The following PCDHGB1 variants were observed in gnomAD, a reference collection of about 807,000 sequenced individuals.
The protein encoded by PCDHGB1 is protocadherin gamma subfamily B, 1, also known as protocadherin gamma-B1.
A neutral mutation model predicts 56.6 loss-of-function variants in PCDHGB1; 34 were observed. That is an observed-to-expected ratio of 0.60 (90% CI 0.46 to 0.80). The LOEUF (loss-of-function observed/expected upper bound fraction) is 0.80. Ranked by LOEUF, PCDHGB1 falls within the 30% of genes least tolerant of loss-of-function variation. PCDHGB1 has a pLI of 0.00. For missense variants in PCDHGB1, 1,278 were observed against 1,204.6 expected (o/e 1.06, Z -0.90); for synonymous variants, 561 against 505.9 (o/e 1.11, Z -1.46).
chr5:141,439,790 C>G (rs2098131627), intron 1 of PCDHGB1: 2 of 152,248 alleles, frequency 1.3e-5, no homozygotes, highest in Non-Finnish European at 2.9e-5. Flanking sequence ...TTCTATAATC[C>G]AAGAAGAGTT....
chr5:141,351,870 C>A lies in PCDHGB1; in HGVS notation c.1610C>A (p.Ala537Glu), dbSNP rs545715349. ...TLQARDQGSP[A>E]LSANVSLRVL... ...CAGGCCAGGGACCAGGGCTCCCCCG[C>A]GCTCAGCGCCAACGTGAGCCTGCGC... is the stretch of plus-strand genomic sequence containing the variant. Residue 537 changes from alanine to glutamate, a missense_variant, in exon 1 of 4, where the codon GCG (alanine) becomes GAG (glutamate). Coordinates refer to ENST00000523390, the MANE Select transcript of PCDHGB1 (RefSeq NM_018922.3). The A allele has an allele frequency of 3.4e-5, 55 of 1,613,282 alleles. No individual in the cohort carries two copies. The East Asian group carries it at 1.1e-3, about 33-fold the overall frequency.
intron 1 of PCDHGB1, among the ~76,000 whole-genome samples, chr5:141,444,933 G>A (rs1004890599): frequency 3.3e-5 from 5 of 152,152 alleles, no homozygotes; most frequent in African/African-American, 1.2e-4. Context: ...AAAGAGGGAA[G>A]GAGGGAGGAG....
chr5:141,503,401 C>A (rs987421198), intron 2 of PCDHGB1, among the ~76,000 whole-genome samples: 15 of 151,848 alleles, frequency 9.9e-5, no homozygotes, highest in Non-Finnish European at 1.9e-4. Context: ...TCGAAACCAA[C>A]CTGGCCAATA....
intron 1 of PCDHGB1, among the ~76,000 whole-genome samples, chr5:141,481,743 G>C (rs1257734207): frequency 1.3e-5 from 2 of 152,096 alleles, no homozygotes; most frequent in Non-Finnish European, 2.9e-5. Context: ...CACGAGGTCA[G>C]GAGTCCAAGA....
Position 141,490,693 on chromosome 5 carries a change from G to C in PCDHGB1, c.2410-4114G>C. 2 of 1,614,170 alleles carry C rather than the reference G, an allele frequency of 1.2e-6. No homozygotes were observed. Among genetic ancestry groups the C allele is most frequent in the Non-Finnish European group, 1.7e-6 (2 of 1,180,018 alleles). ...GGCTGCCTCAGATCCAGACACTGGG[G>C]ATAATGCCCGCCTCACCTACTCCAT... is the stretch of plus-strand genomic sequence containing the variant. On this transcript the variant is annotated intron_variant, in intron 1 of 3. Coordinates refer to ENST00000523390, the MANE Select transcript of PCDHGB1 (RefSeq NM_018922.3). This position sits in a 1 kb window ranked among gnomAD's most constrained non-coding sequence, Gnocchi z 5.4.
rs754364956 is a variant in PCDHGB1 at position 141,350,441 on chromosome 5, A to G, written c.181A>G (p.Thr61Ala). The G allele has an allele frequency of 1.9e-6, 3 of 1,610,584 alleles. No individual in the cohort carries two copies. The highest frequency in any genetic ancestry group is 2.5e-6 in the Non-Finnish European group (3 of 1,177,092). ...DLGLSVRELP[T>A]RKLRVSAEDY... ...GGGGCTCAGTGTCCGGGAGTTGCCA[A>G]CTCGAAAACTGCGGGTTAGTGCAGA... The change falls in exon 1 of 4, where the codon ACT (threonine) becomes GCT (alanine). Residue 61 changes from threonine (T) to alanine (A), a missense_variant. Coordinates refer to ENST00000523390, the MANE Select transcript of PCDHGB1 (RefSeq NM_018922.3).
intron 1 of PCDHGB1, chr5:141,382,957 C>T (rs1350220102): frequency 6.2e-7 from 1 of 1,606,282 alleles, no homozygotes; most frequent in Non-Finnish European, 8.5e-7. Flanking sequence ...CTCCATCCTC[C>T]TGGGGACCCC....
intron 1 of PCDHGB1, among the ~76,000 whole-genome samples, chr5:141,469,172 A>C (rs1310781965): frequency 6.6e-6 from 1 of 152,050 alleles, no homozygotes; most frequent in Admixed American, 6.6e-5. Context: ...GCTACTTGGG[A>C]GGCTGAGGCA....
chr5:141,398,374 G>C (rs769693333), intron 1 of PCDHGB1: 3 of 1,438,680 alleles, frequency 2.1e-6, no homozygotes, highest in African/African-American at 1.4e-5. Flanking sequence ...AGAGAGCGGG[G>C]AGTTGCTTGT....
Position 141,491,954 on chromosome 5 carries a change from C to A in PCDHGB1, c.2410-2853C>A. ...TGGGACCGACCCCCACCCCTACACT[C>A]AAAAAAGGCCGGGGCCTCCTTCGAG... On this transcript the variant is annotated intron_variant, in intron 1 of 3. Transcript: ENST00000523390. This position sits in a 1 kb window ranked among gnomAD's most constrained non-coding sequence, Gnocchi z 6.9. The A allele has an allele frequency of 9.7e-7, 1 of 1,032,914 alleles. No individual in the cohort carries two copies. Among genetic ancestry groups the A allele is most frequent in the Non-Finnish European group, 1.3e-6 (1 of 747,256 alleles). The allele number at this position is 1,032,914 out of a possible 1,614,324, so 64.0% of individuals were successfully genotyped here.
chr5:141,511,048 C>G lies in PCDHGB1; in HGVS notation c.2659C>G (p.Arg887Gly). The G allele has an allele frequency of 6.2e-7, 1 of 1,614,224 alleles. No homozygotes were observed. Among genetic ancestry groups the G allele is most frequent in the Non-Finnish European group, 8.5e-7 (1 of 1,180,028 alleles). ...QFTLQHVPDYRQNVYIPGSNA... is the reference protein window; with the variant it reads ...QFTLQHVPDYGQNVYIPGSNA... ...CACCCTGCAGCACGTGCCCGACTAC[C>G]GCCAGAATGTCTACATCCCAGGCAG... Residue 887 changes from arginine (R) to glycine (G), a missense_variant, in exon 4 of 4, where the codon CGC becomes GGC. Arg to Gly is a moderately radical substitution (Grantham distance 125, BLOSUM62 -2). Transcript: ENST00000523390.
rs768635851 is a variant in PCDHGB1 at position 141,489,334 on chromosome 5, C to G, written c.2410-5473C>G. 2 of 1,606,614 alleles carry G rather than the reference C, an allele frequency of 1.2e-6. No individual in the cohort carries two copies. Among genetic ancestry groups the G allele is most frequent in the Non-Finnish European group, 1.7e-6 (2 of 1,175,584 alleles). On this transcript the variant is annotated intron_variant, in intron 1 of 3. Coordinates refer to ENST00000523390, the MANE Select transcript of PCDHGB1 (RefSeq NM_018922.3). The surrounding 1 kb of genome is among the most constrained non-coding windows in gnomAD (Gnocchi z 4.5). Reference sequence around the variant, plus strand: ...CTGGGGCTGGGTGTCTGGGCAGCTTCGTTACTCAGTGGTGGAGGAGTCTGA... The same window carrying G: ...CTGGGGCTGGGTGTCTGGGCAGCTTGGTTACTCAGTGGTGGAGGAGTCTGA...
intron 1 of PCDHGB1, chr5:141,388,500 A>T: frequency 6.2e-7 from 1 of 1,613,860 alleles, no homozygotes; most frequent in Non-Finnish European, 8.5e-7. Flanking sequence ...AGAAAAGCAG[A>T]AATCCTACCA....
chr5:141,418,666 G>C, intron 1 of PCDHGB1: 1 of 1,614,038 alleles, frequency 6.2e-7, no homozygotes, highest in Non-Finnish European at 8.5e-7. Context: ...CCACTGACCA[G>C]GACGAGGGCA....
intron 1 of PCDHGB1, chr5:141,418,622 G>A: frequency 2.5e-6 from 4 of 1,614,026 alleles, no homozygotes; most frequent in Non-Finnish European, 3.4e-6. Context: ...TCGGGAAGAC[G>A]TGCCTCCAGG....
intron 1 of PCDHGB1, among the ~76,000 whole-genome samples, chr5:141,469,490 G>A (rs1346871954): frequency 3.3e-5 from 5 of 152,146 alleles, no homozygotes; most frequent in East Asian, 3.9e-4. Context: ...CAGGAGAATC[G>A]CTTGAACCCG....
intron 1 of PCDHGB1, chr5:141,376,510 G>A: frequency 6.2e-7 from 1 of 1,614,028 alleles, no homozygotes; most frequent in Non-Finnish European, 8.5e-7. Flanking sequence ...AACTTCAGGT[G>A]AGTTTCTTTC....
intron 1 of PCDHGB1, chr5:141,400,717 G>A: frequency 1.5e-6 from 1 of 672,320 alleles, no homozygotes; most frequent in Non-Finnish European, 2.5e-6. Context: ...TAGCCTTATA[G>A]ATTTACAAAG....
At chr5:141,367,387 A>C (rs1765092239) in intron 1 of PCDHGB1, 1 of 152,180 alleles carries the variant, frequency 6.6e-6, no homozygotes, top group African/African-American at 2.4e-5. Flanking sequence ...AATACAAAAA[A>C]TTAGCCGGGC....
Sources: gnomAD v4.1 joint callset for allele counts (sites outside exome capture counted in the v4.1 genomes callset) on GRCh38, gnomAD v4.1.1 for gene constraint, Gnocchi (gnomAD v3.1) non-coding constraint, MANE v1.5 for transcripts, NCBI Gene and HGNC (gene_info 2026-07-23, HGNC 2026-07-21) for gene names.